HDAC9: variants seen among roughly 807,000 people sequenced by gnomAD.
The protein encoded by HDAC9 is histone deacetylase 9.
Under a neutral mutation model 139.4 loss-of-function variants are expected in HDAC9, and 41 were observed. That is an observed-to-expected ratio of 0.29 (90% CI 0.23 to 0.38). The LOEUF (loss-of-function observed/expected upper bound fraction) is 0.38, where lower values mean the gene tolerates loss of function less well. Among genes scored for constraint, HDAC9 ranks in the 10% least tolerant of loss-of-function variants. HDAC9 has a pLI of 1.00. For missense variants in HDAC9, 1,147 were observed against 1,297.0 expected (o/e 0.88, Z 1.78); for synonymous variants, 517 against 476.2 (o/e 1.09, Z -1.12).
intron 2 of HDAC9, among the ~76,000 whole-genome samples, chr7:18,220,691 A>T (rs1035305949): frequency 7.9e-5 from 12 of 152,316 alleles, no homozygotes; most frequent in Admixed American, 5.9e-4. Context: ...GAATACTGAG[A>T]ACCTTAATTG....
At chr7:18,935,035 A>G (rs1239728438) in intron 22 of HDAC9, among the ~76,000 whole-genome samples, 1 of 152,194 alleles carries the variant, frequency 6.6e-6, no homozygotes, top group Non-Finnish European at 1.5e-5. Flanking sequence ...AGCAAGTTGC[A>G]AAAGTGTAAA....
chr7:18,916,470 G>A (rs950534334), intron 22 of HDAC9, among the ~76,000 whole-genome samples: 8 of 151,998 alleles, frequency 5.3e-5, no homozygotes, highest in African/African-American at 1.9e-4. Flanking sequence ...ATTCTGTTAT[G>A]TGGCTAATGA....
chr7:18,175,668 T>C (rs999003317), intron 2 of HDAC9, among the ~76,000 whole-genome samples: 7 of 152,058 alleles, frequency 4.6e-5, no homozygotes, highest in African/African-American at 1.7e-4. Flanking sequence ...AATATCCAAA[T>C]GAAAGACTCA....
chr7:18,645,139 A>T (rs1202481709), intron 9 of HDAC9, among the ~76,000 whole-genome samples: 2 of 152,170 alleles, frequency 1.3e-5, no homozygotes, highest in Non-Finnish European at 2.9e-5. Flanking sequence ...AGAAGCTGAG[A>T]CTTGGAGAGT....
chr7:18,224,030 T>C (rs150208064), intron 2 of HDAC9, among the ~76,000 whole-genome samples: 1 of 152,198 alleles, frequency 6.6e-6, no homozygotes, highest in South Asian at 2.1e-4. Flanking sequence ...TTAATTAACT[T>C]TTTTAGTAAA....
chr7:18,365,292 G>C (rs943779230), intron 1 of HDAC9, among the ~76,000 whole-genome samples: 1 of 152,018 alleles, frequency 6.6e-6, no homozygotes, highest in African/African-American at 2.4e-5. Flanking sequence ...ACTCTGATAG[G>C]TCGGAGCTGC....
chr7:18,879,242 A>G (rs113938944), intron 22 of HDAC9, among the ~76,000 whole-genome samples: 4,865 of 152,228 alleles, frequency 0.032, 273 homozygotes, highest in East Asian at 0.15. Flanking sequence ...GCCCAAAGCA[A>G]TTTACAGATT....
At chr7:18,267,826 T>G (rs1796098445) in intron 2 of HDAC9, among the ~76,000 whole-genome samples, 1 of 152,134 alleles carries the variant, frequency 6.6e-6, no homozygotes, top group South Asian at 2.1e-4. Flanking sequence ...GTGGGATTGC[T>G]AGATCTCGAC....
chr7:18,591,748 G>C (rs1008349709), intron 5 of HDAC9, 106 bp downstream of exon 5: 16 of 1,451,244 alleles, frequency 1.1e-5, no homozygotes, highest in African/African-American at 2.8e-5. Flanking sequence ...CAGCTGTCTG[G>C]CTGTGGGCAA....
chr7:18,896,360 A>G (rs775172735), intron 22 of HDAC9, among the ~76,000 whole-genome samples: 2 of 152,110 alleles, frequency 1.3e-5, no homozygotes, highest in Non-Finnish European at 2.9e-5. Flanking sequence ...AGTAACTTTT[A>G]AGAAACACTC....
At position 18,943,492 on chromosome 7, in the gene HDAC9, A is replaced by C. The variant is rs566516572; in HGVS notation, c.2937+7550A>C. Among the ~76,000 whole-genome samples the C allele has an allele frequency of 2.0e-5, 3 of 152,238 alleles. No homozygotes were observed. In the South Asian group the frequency reaches 6.2e-4, roughly 32 times the overall value. On this transcript the variant is annotated intron_variant, in intron 23 of 25. Transcript: ENST00000686413. ...ATAGATGTTTAAATATATCATGTGC[A>C]AACTGTCCATGGTTAAGCATCATGG...
intron 1 of HDAC9, among the ~76,000 whole-genome samples, chr7:18,477,700 T>C (rs542935719): frequency 1.3e-5 from 2 of 152,304 alleles, no homozygotes; most frequent in East Asian, 3.9e-4. Context: ...CAGAATTTAA[T>C]GTTATGTCGA....
At chr7:18,537,233 G>A (rs1393309460) in intron 2 of HDAC9, among the ~76,000 whole-genome samples, 1 of 152,222 alleles carries the variant, frequency 6.6e-6, no homozygotes, top group Non-Finnish European at 1.5e-5. Flanking sequence ...GTGAAGGAGA[G>A]AGTTGAATCT....
At chr7:18,223,503 A>G (rs1347980373) in intron 2 of HDAC9, among the ~76,000 whole-genome samples, 2 of 151,946 alleles carry the variant, frequency 1.3e-5, no homozygotes, top group East Asian at 1.9e-4. Flanking sequence ...ATGGTGGGTA[A>G]TCACTTATCC....
intron 14 of HDAC9, among the ~76,000 whole-genome samples, chr7:18,754,557 C>A (rs535257670): frequency 3.3e-5 from 5 of 152,164 alleles, no homozygotes; most frequent in African/African-American, 1.2e-4. Context: ...TTTGCGTTGC[C>A]TTTTTGTGAC....
At chr7:18,743,225 C>A (rs765879790) in intron 13 of HDAC9, among the ~76,000 whole-genome samples, 2 of 152,140 alleles carry the variant, frequency 1.3e-5, no homozygotes, top group Non-Finnish European at 2.9e-5. Context: ...AATGGCAACA[C>A]TTAATCTAAT....
intron 1 of HDAC9, among the ~76,000 whole-genome samples, chr7:18,396,369 G>A (rs1242628025): frequency 1.3e-5 from 2 of 152,246 alleles, no homozygotes; most frequent in East Asian, 3.9e-4. Flanking sequence ...GTATTGGCAG[G>A]ATGCTGTAGA....
At chr7:18,171,257 G>T (rs1168253610) in intron 2 of HDAC9, among the ~76,000 whole-genome samples, 1 of 152,052 alleles carries the variant, frequency 6.6e-6, no homozygotes, top group Non-Finnish European at 1.5e-5. Flanking sequence ...GTCTGTTATT[G>T]GTGTATAGGA....
At chr7:18,099,133 T>G (rs1469712432) in intron 1 of HDAC9, among the ~76,000 whole-genome samples, 1 of 152,136 alleles carries the variant, frequency 6.6e-6, no homozygotes, top group Non-Finnish European at 1.5e-5. Context: ...TTAAATAAAT[T>G]TAGTATTATA....
Sources: allele counts gnomAD v4.1 joint callset (sites outside exome capture counted in the v4.1 genomes callset), GRCh38; gene constraint gnomAD v4.1.1; transcripts MANE v1.5; gene names NCBI Gene and HGNC (gene_info 2026-07-23, HGNC 2026-07-21).